Variants in NLRP5 observed in about 807,000 individuals in gnomAD.
NLRP5 encodes the protein NLR family pyrin domain containing 5, also known as NACHT, LRR and PYD domains-containing protein 5.
A neutral mutation model predicts 113.1 loss-of-function variants in NLRP5; 93 were observed. That is an observed-to-expected ratio of 0.82 (90% CI 0.70 to 0.98). The LOEUF (loss-of-function observed/expected upper bound fraction) is 0.98. Ranked by LOEUF, NLRP5 falls within the 50% of genes least tolerant of loss-of-function variation. NLRP5 has a pLI of 0.00. For missense variants in NLRP5, 1,808 were observed against 1,514.3 expected, an observed-to-expected ratio of 1.19 and a Z score of -3.22; for synonymous variants, 751 against 600.7, an observed-to-expected ratio of 1.25 and a Z score of -3.66.
Position 56,003,824 on chromosome 19 carries a change from G to A in NLRP5, c.171G>A (p.Ser57=), listed in dbSNP as rs756950565. 41 of 1,613,892 alleles carry A rather than the reference G, an allele frequency of 2.5e-5. 1 individual carries two copies. The highest frequency in any genetic ancestry group is 1.8e-4 in the Admixed American group (11 of 59,978). ...GTATCAAGATGGAAGGAGACAAATC[G>A]CTCACCTTTTCCAGCTACGGGCTGC... The change falls in exon 2 of 15, where the codon TCG becomes TCA. Residue 57 remains serine (S), a synonymous_variant. Coordinates refer to ENST00000390649, the MANE Select transcript of NLRP5 (RefSeq NM_153447.4).
chr19:56,030,714 CTTT>C (rs770624516), intron 7 of NLRP5, among the ~76,000 whole-genome samples: 9 of 71,350 alleles, frequency 1.3e-4, no homozygotes, highest in African/African-American at 5.7e-4. Flanking sequence ...CTTTCTTCTT[CTTT>C]TTTTTTTTTT....
At chr19:56,059,565 C>G (rs942310712) in intron 14 of NLRP5, among the ~76,000 whole-genome samples, 3 of 152,160 alleles carry the variant, frequency 2.0e-5, no homozygotes, top group African/African-American at 7.2e-5. Flanking sequence ...TGGAGTCTCA[C>G]TCTGTTGCCT....
intron 3 of NLRP5, among the ~76,000 whole-genome samples, chr19:56,010,119 G>T (rs1373876147): frequency 6.6e-6 from 1 of 152,202 alleles, no homozygotes; most frequent in Non-Finnish European, 1.5e-5. Flanking sequence ...CACGTTAGGA[G>T]ATCCCTCTGA....
intron 7 of NLRP5, among the ~76,000 whole-genome samples, chr19:56,029,587 C>T (rs1983013391): frequency 6.6e-6 from 1 of 152,224 alleles, no homozygotes; most frequent in African/African-American, 2.4e-5. Context: ...TAAATAGTCA[C>T]ACATAGCTGA....
the NLRP5 span, among the ~76,000 whole-genome samples, chr19:55,990,079 C>CTTTTTTTTTTTTTTTTTTTTTTT: frequency 3.1e-5 from 3 of 95,958 alleles, no homozygotes; most frequent in Non-Finnish European, 6.0e-5. Flanking sequence ...TTTCTTTTTT[C>CTTTTTTTTTTTTTTTTTTTTTTT]TTTTTTTTTT....
intron 9 of NLRP5, among the ~76,000 whole-genome samples, chr19:56,034,670 T>C (rs973649654): frequency 6.6e-6 from 1 of 152,176 alleles, no homozygotes; most frequent in African/African-American, 2.4e-5. Context: ...ATCGGTGTGG[T>C]ACATCGTCGC....
intron 11 of NLRP5, among the ~76,000 whole-genome samples, chr19:56,047,025 T>G (rs928007474): frequency 4.0e-5 from 6 of 150,988 alleles, no homozygotes; most frequent in Admixed American, 2.0e-4. Context: ...TTTTCTAGTT[T>G]ATGTGCATAA....
intron 6 of NLRP5, among the ~76,000 whole-genome samples, chr19:56,022,219 T>C (rs549792639): frequency 3.9e-4 from 60 of 152,232 alleles, no homozygotes; most frequent in Admixed American, 7.9e-4. Flanking sequence ...AGATACACTC[T>C]CCACTCCACC....
upstream of NLRP5, among the ~76,000 whole-genome samples, chr19:55,997,862 CAAA>C (rs11414769): frequency 6.7e-6 from 1 of 149,140 alleles, no homozygotes; most frequent in Admixed American, 6.7e-5. Flanking sequence ...CACTCTATCT[CAAA>C]AAAAAAAATT....
rs551520402 is a variant in NLRP5 at position 56,031,433 on chromosome 19, A to G, written c.2277-1178A>G. Among the ~76,000 whole-genome samples the G allele has an allele frequency of 1.1e-4, 17 of 152,182 alleles. No homozygotes were observed. The South Asian group carries it at 3.3e-3, about 30-fold the overall frequency. On this transcript the variant is annotated intron_variant, in intron 7 of 14. Coordinates refer to ENST00000390649, the MANE Select transcript of NLRP5 (RefSeq NM_153447.4). Reference sequence around the variant, plus strand: ...CACTTGAGGTCAGGAGTTTGAGACCAGCCTGGCCAACATGGTGAAACCCCA... The same window carrying G: ...CACTTGAGGTCAGGAGTTTGAGACCGGCCTGGCCAACATGGTGAAACCCCA...
chr19:56,044,248 G>T (rs1443522513), intron 11 of NLRP5, among the ~76,000 whole-genome samples: 1 of 151,896 alleles, frequency 6.6e-6, no homozygotes, highest in Non-Finnish European at 1.5e-5. Context: ...ATTTTTAGTA[G>T]AGACGGGGTT....
In NLRP5 at chr19:56,058,273, T is replaced by C. The variant is rs759554664; in HGVS notation, c.3333T>C (p.Cys1111=). Residue 1111 remains cysteine (C), a synonymous_variant, in exon 14 of 15, where the codon TGT becomes TGC. Transcript: ENST00000390649. ...CATGTGGACTGACTTCTGATTGCTG[T>C]GAGGCACTCTCCTTGGCCCTTTCCT... The C allele has an allele frequency of 1.2e-5, 20 of 1,613,854 alleles. No individual in the cohort carries two copies. The highest frequency in any genetic ancestry group is 3.3e-5 in the Admixed American group (2 of 59,990).
At chr19:56,051,505 C>T (rs967325296) in intron 12 of NLRP5, among the ~76,000 whole-genome samples, 1 of 152,076 alleles carries the variant, frequency 6.6e-6, no homozygotes, top group Non-Finnish European at 1.5e-5. Context: ...GCACTTAATG[C>T]ATTCTTAACA....
In NLRP5 at chr19:56,036,888, CAG is replaced by C. The variant is rs202094131; in HGVS notation, c.2616-1134_2616-1133del. Among the ~76,000 whole-genome samples the C allele has an allele frequency of 4.9e-3, 741 of 152,254 alleles. 6 individuals are homozygous for C. The highest frequency in any genetic ancestry group is 0.016 in the African/African-American group (653 of 41,550). ...AGGAGCATCACTTGAACCCAGGAGG[CAG>C]AGGTTACAGTGAGCCGAGATTGCGC... On this transcript the variant is annotated intron_variant, in intron 9 of 14. Transcript: ENST00000390649.
At chr19:56,028,850 C>T (rs1333746000) in intron 7 of NLRP5, among the ~76,000 whole-genome samples, 3 of 152,096 alleles carry the variant, frequency 2.0e-5, no homozygotes, top group Non-Finnish European at 4.4e-5. Flanking sequence ...CTGCAAACTC[C>T]ACCTCCCAGG....
intron 12 of NLRP5, among the ~76,000 whole-genome samples, chr19:56,052,084 C>T (rs1026855231): frequency 6.6e-6 from 1 of 152,140 alleles, no homozygotes; most frequent in Non-Finnish European, 1.5e-5. Flanking sequence ...CTCTCCATCA[C>T]CATTTATCCA....
intron 3 of NLRP5, among the ~76,000 whole-genome samples, chr19:56,015,013 A>C (rs1982350526): frequency 6.6e-6 from 1 of 152,198 alleles, no homozygotes; most frequent in Admixed American, 6.5e-5. Flanking sequence ...TGACACAGTA[A>C]CAACATTAAG....
chr19:56,006,603 A>G (rs964897449), intron 2 of NLRP5, among the ~76,000 whole-genome samples: 5 of 151,792 alleles, frequency 3.3e-5, no homozygotes, highest in African/African-American at 9.7e-5. Context: ...ATGGTGGCAC[A>G]CACCTGTAAT....
intron 4 of NLRP5, among the ~76,000 whole-genome samples, chr19:56,018,189 A>G (rs1361747274): frequency 6.6e-6 from 1 of 152,200 alleles, no homozygotes; most frequent in East Asian, 1.9e-4. Flanking sequence ...CTGTAACTTG[A>G]TTCCCATGCT....
Sources: gnomAD v4.1 joint callset for allele counts (sites outside exome capture counted in the v4.1 genomes callset) on GRCh38, gnomAD v4.1.1 for gene constraint, MANE v1.5 for transcripts, NCBI Gene and HGNC (gene_info 2026-07-23, HGNC 2026-07-21) for gene names.